DGKI: variants seen among roughly 807,000 people sequenced by gnomAD.
DGKI encodes the protein DAG kinase iota.
A neutral mutation model predicts 147.5 loss-of-function variants in DGKI; 55 were observed. The observed-to-expected ratio is 0.37, with a 90% CI of 0.30 to 0.47. DGKI has a LOEUF of 0.47. Among genes scored for constraint, DGKI ranks in the 20% least tolerant of loss-of-function variants. The pLI is 1.00. For missense variants in DGKI, 1,007 were observed against 1,323.8 expected (o/e 0.76, Z 3.71); for synonymous variants, 469 against 477.1 (o/e 0.98, Z 0.22).
chr7:137,554,614 C>A (rs1723120), intron 19 of DGKI, among the ~76,000 whole-genome samples: 1 of 151,972 alleles, frequency 6.6e-6, no homozygotes, highest in Non-Finnish European at 1.5e-5. Context: ...TTTCCCTCAA[C>A]CCCTCTCAAA....
chr7:137,791,915 C>T (rs1796866059), intron 1 of DGKI, among the ~76,000 whole-genome samples: 1 of 152,192 alleles, frequency 6.6e-6, no homozygotes, highest in Non-Finnish European at 1.5e-5. Context: ...GAATACATTT[C>T]AGCCACATAA....
At chr7:137,427,369 C>T (rs1397085879) in intron 28 of DGKI, among the ~76,000 whole-genome samples, 1 of 152,144 alleles carries the variant, frequency 6.6e-6, no homozygotes, top group Non-Finnish European at 1.5e-5. Flanking sequence ...AAAGACACAA[C>T]ATACCAGAAT....
At chr7:137,432,041 T>C (rs1440958636) in intron 28 of DGKI, among the ~76,000 whole-genome samples, 1 of 152,164 alleles carries the variant, frequency 6.6e-6, no homozygotes, top group Non-Finnish European at 1.5e-5. Flanking sequence ...GATCTGGTTG[T>C]TTAAAAGTAT....
At chr7:137,747,257 A>T (rs1262521507) in intron 1 of DGKI, among the ~76,000 whole-genome samples, 1 of 152,150 alleles carries the variant, frequency 6.6e-6, no homozygotes, top group Admixed American at 6.5e-5. Context: ...GTTTACTTTC[A>T]GCCCTTGTAC....
Position 137,667,527 on chromosome 7 carries a change from T to C in DGKI, c.607-10987A>G, listed in dbSNP as rs555316544. The stretch of plus-strand genomic sequence containing the variant: ...TGTGACAGTACCATAAACACCATCT[T>C]ACTTGTATTATGAATCCTGACATGT... On this transcript the variant is annotated intron_variant, in intron 3 of 32. Coordinates refer to ENST00000614521, the MANE Select transcript of DGKI (RefSeq NM_001321708.2). Among the ~76,000 whole-genome samples the C allele has an allele frequency of 2.6e-5, 4 of 152,336 alleles. No homozygotes were observed. In the South Asian group the frequency reaches 8.3e-4, roughly 32 times the overall value.
At chr7:137,834,008 T>C (rs1798294864) in intron 1 of DGKI, among the ~76,000 whole-genome samples, 1 of 152,238 alleles carries the variant, frequency 6.6e-6, no homozygotes, top group Non-Finnish European at 1.5e-5. Context: ...CCCTGACATA[T>C]TACTTCATTA....
At chr7:137,509,249 G>T (rs1816493679) in intron 21 of DGKI, among the ~76,000 whole-genome samples, 1 of 152,120 alleles carries the variant, frequency 6.6e-6, no homozygotes, top group South Asian at 2.1e-4. Context: ...TGGACAAAAT[G>T]TTAGAAAAAT....
At chr7:137,809,900 T>C (rs1797507072) in intron 1 of DGKI, among the ~76,000 whole-genome samples, 1 of 150,064 alleles carries the variant, frequency 6.7e-6, no homozygotes, top group African/African-American at 2.5e-5. Context: ...CAAAACCCAG[T>C]TGGAAAAAAA....
intron 1 of DGKI, among the ~76,000 whole-genome samples, chr7:137,771,403 T>A (rs909184014): frequency 1.3e-5 from 2 of 152,184 alleles, no homozygotes; most frequent in Non-Finnish European, 2.9e-5. Flanking sequence ...CTTTCTTAAA[T>A]CTCGAACAAA....
chr7:137,424,704 C>G (rs916054972), intron 28 of DGKI, among the ~76,000 whole-genome samples: 6 of 152,138 alleles, frequency 3.9e-5, no homozygotes, highest in African/African-American at 7.2e-5. Context: ...GCTTTTCCAA[C>G]GGGCTTAAAA....
intron 10 of DGKI, among the ~76,000 whole-genome samples, chr7:137,604,109 T>C (rs1419603031): frequency 6.6e-6 from 1 of 152,188 alleles, no homozygotes; most frequent in Non-Finnish European, 1.5e-5. Context: ...ATTTCAGAAA[T>C]AGGACTTTCC....
At chr7:137,808,183 G>A (rs1320291816) in intron 1 of DGKI, among the ~76,000 whole-genome samples, 1 of 152,174 alleles carries the variant, frequency 6.6e-6, no homozygotes, top group Admixed American at 6.5e-5. Context: ...TATTTTTCCA[G>A]TAAAAAAGTC....
intron 6 of DGKI, among the ~76,000 whole-genome samples, chr7:137,633,516 T>C (rs1202172979): frequency 1.3e-5 from 2 of 152,176 alleles, no homozygotes; most frequent in Non-Finnish European, 2.9e-5. Flanking sequence ...TGGTATTGTG[T>C]TTACATTTCC....
At chr7:137,714,768 C>A (rs931183831) in intron 1 of DGKI, among the ~76,000 whole-genome samples, 1 of 152,220 alleles carries the variant, frequency 6.6e-6, no homozygotes, top group African/African-American at 2.4e-5. Flanking sequence ...ACTACCTATT[C>A]TCTCCAACAT....
rs554988076 is a variant in DGKI, at chr7:137,425,138, G to A, written c.2762-12931C>T. Among the ~76,000 whole-genome samples the A allele has an allele frequency of 9.5e-3, 1,442 of 152,312 alleles. 15 individuals carry two copies. Among genetic ancestry groups the A allele is most frequent in the African/African-American group, 0.033 (1,376 of 41,552 alleles). On this transcript the variant is annotated intron_variant, in intron 28 of 32. Coordinates refer to ENST00000614521, the MANE Select transcript of DGKI (RefSeq NM_001321708.2). ...CCTGACCCCTGAGCAGCCTAGCTGG[G>A]AGGCACCCCCCAGTAGGGGCAGACT... is the stretch of plus-strand genomic sequence containing the variant.
chr7:137,518,334 C>T (rs1375328048), intron 21 of DGKI, among the ~76,000 whole-genome samples: 1 of 152,078 alleles, frequency 6.6e-6, no homozygotes, highest in African/African-American at 2.4e-5. Flanking sequence ...GAGATTCAAA[C>T]ACCAAAATTT....
At chr7:137,607,827 G>T (rs1445087149) in intron 10 of DGKI, among the ~76,000 whole-genome samples, 1 of 152,138 alleles carries the variant, frequency 6.6e-6, no homozygotes, top group African/African-American at 2.4e-5. Flanking sequence ...ACTCCATAAA[G>T]ATCTCTCAGC....
chr7:137,721,107 T>C (rs763828905), intron 1 of DGKI, among the ~76,000 whole-genome samples: 7 of 152,336 alleles, frequency 4.6e-5, no homozygotes, highest in Admixed American at 3.3e-4. Flanking sequence ...TTATATCCCA[T>C]GGTTTGGACA....
chr7:137,837,295 C>T (rs1443795447), intron 1 of DGKI, among the ~76,000 whole-genome samples: 3 of 152,158 alleles, frequency 2.0e-5, no homozygotes, highest in East Asian at 1.9e-4. Context: ...GTAAGTTAAT[C>T]GTTGCGGTCA....
Sources: gnomAD v4.1 joint callset for allele counts (sites outside exome capture counted in the v4.1 genomes callset) on GRCh38, gnomAD v4.1.1 for gene constraint, MANE v1.5 for transcripts, NCBI Gene and HGNC (gene_info 2026-07-23, HGNC 2026-07-21) for gene names.